NRG1: variants seen among roughly 807,000 people sequenced by gnomAD.
NRG1 encodes the protein pro-neuregulin-1, membrane-bound isoform.
Under a neutral mutation model 63.8 loss-of-function variants are expected in NRG1, and 18 were observed. The ratio of observed to expected loss-of-function variants is 0.28; its 90% CI spans 0.19 to 0.42. The LOEUF is 0.42. Ranked by LOEUF, NRG1 falls within the 10% of genes least tolerant of loss-of-function variation. The pLI is 1.00. For synonymous variants in NRG1, 302 were observed against 301.3 expected (o/e 1.00, Z -0.02); for missense variants, 762 against 814.7 (o/e 0.94, Z 0.79).
At chr8:32,536,506 C>T (rs1378042179) in intron 1 of NRG1, among the ~76,000 whole-genome samples, 3 of 152,112 alleles carry the variant, frequency 2.0e-5, no homozygotes, top group Non-Finnish European at 2.9e-5. Flanking sequence ...CAAAGCCAAC[C>T]GACTAACAAC....
Position 32,758,436 on chromosome 8 carries a change from G to A in NRG1, c.922-870G>A, listed in dbSNP as rs531289509. 7.9e-5 allele frequency among the ~76,000 whole-genome samples: 12 copies of A among 152,086 alleles called. No individual in the cohort carries two copies. In the South Asian group the frequency reaches 2.5e-3, roughly 32 times the overall value. On this transcript the variant is annotated intron_variant, in intron 9 of 11. Coordinates refer to ENST00000356819, the Ensembl canonical transcript of NRG1. ...TGCTAAAAATACAAAAATTAGCTGG[G>A]CATGGTGGCATATGCCTGTAATCCC...
In NRG1 at chr8:31,916,317, C is replaced by T. The variant is rs181886994; in HGVS notation, c.37+276886C>T. ...TGCTGGTGCGCTGCACCCACTAACTCGTCATCTAGCATTAGGTATATCTCC... is the reference window on the plus strand; with the variant it reads ...TGCTGGTGCGCTGCACCCACTAACTTGTCATCTAGCATTAGGTATATCTCC... On this transcript the variant is annotated intron_variant, in intron 1 of 10. Transcript: ENST00000519301. Among the ~76,000 whole-genome samples the T allele has an allele frequency of 3.4e-3, 512 of 152,148 alleles. 3 individuals carry two copies. Among genetic ancestry groups the T allele is most frequent in the African/African-American group, 0.012 (482 of 41,514 alleles).
At chr8:32,478,007 C>G (rs144248041) in intron 1 of NRG1, among the ~76,000 whole-genome samples, 2 of 152,180 alleles carry the variant, frequency 1.3e-5, no homozygotes, top group Admixed American at 1.3e-4. Flanking sequence ...TGAAAAATCA[C>G]GACAGATAAT....
chr8:32,389,523 A>G lies in NRG1; in HGVS notation c.38-206305A>G, dbSNP rs530345253. Among the ~76,000 whole-genome samples, 3 of 152,306 alleles carry G rather than the reference A, an allele frequency of 2.0e-5. No individual in the cohort carries two copies. In the South Asian group the frequency reaches 6.2e-4, roughly 32 times the overall value. ...TCACTTGTCCGCTGAAAGATGAGTC[A>G]TCAAGTCTGGTTGAACCTATCTAAT... On this transcript the variant is annotated intron_variant, in intron 1 of 10. Coordinates refer to the NRG1 transcript ENST00000519301.
At position 31,710,437 on chromosome 8, in the gene NRG1, G is replaced by A. The variant is rs1161087156; in HGVS notation, c.37+71006G>A. On this transcript the variant is annotated intron_variant, in intron 1 of 10. Transcript: ENST00000519301. Reference sequence around the variant, plus strand: ...TATCAAACATCCATAACACATTAATGATGCTACTCTATTCTCATAGCTTGA... The same window carrying A: ...TATCAAACATCCATAACACATTAATAATGCTACTCTATTCTCATAGCTTGA... Among the ~76,000 whole-genome samples, 5 of 151,850 alleles carry A rather than the reference G, an allele frequency of 3.3e-5. No homozygotes were observed. The East Asian group carries it at 5.8e-4, about 18-fold the overall frequency.
chr8:31,837,274 T>C (rs1050777390), intron 1 of NRG1, among the ~76,000 whole-genome samples: 1 of 152,024 alleles, frequency 6.6e-6, no homozygotes, highest in African/African-American at 2.4e-5. Context: ...TATGCCAATC[T>C]TTCCTTTTAT....
chr8:31,933,261 A>T (rs1835011813), intron 1 of NRG1, among the ~76,000 whole-genome samples: 2 of 151,634 alleles, frequency 1.3e-5, no homozygotes, highest in African/African-American at 4.8e-5. Flanking sequence ...AATAACCCTG[A>T]TGGATGTCAT....
At chr8:32,644,059 G>T (rs1227503748) in intron 5 of NRG1, among the ~76,000 whole-genome samples, 8 of 152,160 alleles carry the variant, frequency 5.3e-5, no homozygotes, top group Non-Finnish European at 1.0e-4. Context: ...TACCTAAGCT[G>T]CCTGGGCCAA....
chr8:32,102,919 C>T (rs1310054135), intron 1 of NRG1, among the ~76,000 whole-genome samples: 5 of 151,852 alleles, frequency 3.3e-5, no homozygotes, highest in Non-Finnish European at 7.4e-5. Context: ...TTTGTAGGTA[C>T]ACAGTAGGTG....
intron 1 of NRG1, among the ~76,000 whole-genome samples, chr8:31,892,404 G>T (rs1831223894): frequency 6.6e-6 from 1 of 151,908 alleles, no homozygotes; most frequent in African/African-American, 2.4e-5. Flanking sequence ...GGAGACCTAG[G>T]TCTCTTTTAC....
At chr8:32,583,175 A>T (rs1237178293) in intron 1 of NRG1, among the ~76,000 whole-genome samples, 3 of 152,160 alleles carry the variant, frequency 2.0e-5, no homozygotes, top group Non-Finnish European at 4.4e-5. Flanking sequence ...AGATATTTAT[A>T]GATGGTGGTG....
intron 6 of NRG1, among the ~76,000 whole-genome samples, chr8:32,736,310 A>C (rs1825043419): frequency 6.6e-6 from 1 of 152,202 alleles, no homozygotes; most frequent in Admixed American, 6.5e-5. Context: ...AATAATCTAC[A>C]ACACAGATAC....
chr8:32,336,505 T>A (rs1803286883), intron 1 of NRG1, among the ~76,000 whole-genome samples: 1 of 151,940 alleles, frequency 6.6e-6, no homozygotes, highest in Non-Finnish European at 1.5e-5. Context: ...TCAAAAAAAA[T>A]TAAAAAACAA....
chr8:31,639,274 A>G, exon 1 of NRG1: 1 of 1,253,938 alleles, frequency 8.0e-7, no homozygotes, highest in Non-Finnish European at 1.1e-6. Context: ...CTCGGACTGC[A>G]GCCTGTTTGC....
intron 1 of NRG1, among the ~76,000 whole-genome samples, chr8:31,770,259 A>G (rs924710053): frequency 7.9e-5 from 12 of 152,180 alleles, no homozygotes; most frequent in African/African-American, 2.4e-5. Flanking sequence ...CTGATACTAA[A>G]TTATTTATAG....
chr8:32,105,125 A>G (rs1269146287), intron 1 of NRG1, among the ~76,000 whole-genome samples: 1 of 152,170 alleles, frequency 6.6e-6, no homozygotes, highest in Non-Finnish European at 1.5e-5. Flanking sequence ...ATACTGTGAC[A>G]TTATGAGGGC....
chr8:32,327,472 A>T lies in NRG1; in HGVS notation c.38-268356A>T, dbSNP rs190382894. 2.2e-3 allele frequency among the ~76,000 whole-genome samples: 342 copies of T among 152,312 alleles called. 1 individual carries two copies. Among genetic ancestry groups the T allele is most frequent in the African/African-American group, 7.7e-3 (320 of 41,570 alleles). ...TAGACTGTATCTTAAAACTAGCTTC[A>T]ATATTGGATGGCCTATTTTAAGGGA... is the stretch of plus-strand genomic sequence containing the variant. On this transcript the variant is annotated intron_variant, in intron 1 of 10. Transcript: ENST00000519301.
intron 1 of NRG1, among the ~76,000 whole-genome samples, chr8:32,012,248 T>C (rs1412023384): frequency 6.6e-6 from 1 of 152,148 alleles, no homozygotes; most frequent in Non-Finnish European, 1.5e-5. Flanking sequence ...TAATAGGTTA[T>C]TGATGATGGT....
At chr8:32,469,473 G>A (rs1024930390) in intron 1 of NRG1, among the ~76,000 whole-genome samples, 2 of 152,070 alleles carry the variant, frequency 1.3e-5, no homozygotes, top group Non-Finnish European at 2.9e-5. Context: ...GCTGTAGCAG[G>A]GTTATTATTA....
Sources: gnomAD v4.1 joint callset for allele counts (sites outside exome capture counted in the v4.1 genomes callset) on GRCh38, gnomAD v4.1.1 for gene constraint, MANE v1.5 for transcripts, NCBI Gene and HGNC (gene_info 2026-07-23, HGNC 2026-07-21) for gene names.